Variants in GPHN observed in about 807,000 individuals in gnomAD.
GPHN encodes gephyrin.
Under a neutral mutation model 95.5 loss-of-function variants are expected in GPHN, and 17 were observed. The ratio of observed to expected loss-of-function variants is 0.18; its 90% CI spans 0.12 to 0.27. GPHN has a LOEUF of 0.27. Ranked by LOEUF, GPHN falls within the 10% of genes least tolerant of loss-of-function variation. GPHN has a pLI of 1.00. For synonymous variants in GPHN, 320 were observed against 322.5 expected (o/e 0.99, Z 0.08); for missense variants, 660 against 978.1 (o/e 0.67, Z 4.34).
At chr14:66,729,045 T>A (rs1212397089) in intron 2 of GPHN, among the ~76,000 whole-genome samples, 1 of 152,168 alleles carries the variant, frequency 6.6e-6, no homozygotes, top group Non-Finnish European at 1.5e-5. Context: ...TCTCAGCTGA[T>A]CTGATGGTTT....
chr14:67,111,214 G>A (rs1215622841), intron 14 of GPHN, among the ~76,000 whole-genome samples: 5 of 152,172 alleles, frequency 3.3e-5, no homozygotes, highest in African/African-American at 1.2e-4. Flanking sequence ...CACATTGCCT[G>A]CTGTTAAAAC....
chr14:67,084,943 G>T (rs567764297), intron 11 of GPHN, among the ~76,000 whole-genome samples: 2 of 152,302 alleles, frequency 1.3e-5, no homozygotes, highest in Admixed American at 1.3e-4. Context: ...AAGGTCAATC[G>T]CAGTGTAAAT....
the GPHN span, among the ~76,000 whole-genome samples, chr14:67,711,074 TTAG>T: frequency 6.6e-6 from 1 of 152,250 alleles, no homozygotes; most frequent in Non-Finnish European, 1.5e-5. Flanking sequence ...TGAGAGGAAC[TTAG>T]TTTATAGTTT....
chr14:66,999,154 A>G (rs1034494066), intron 9 of GPHN, among the ~76,000 whole-genome samples: 4 of 151,920 alleles, frequency 2.6e-5, no homozygotes, highest in African/African-American at 7.2e-5. Context: ...GTTAAAAGTC[A>G]TTAGCTCTGT....
intron 3 of GPHN, among the ~76,000 whole-genome samples, chr14:66,778,766 G>A (rs1447737535): frequency 7.3e-5 from 8 of 109,492 alleles, no homozygotes; most frequent in Non-Finnish European, 1.0e-4. Flanking sequence ...AGACAGTCTC[G>A]CTCTGTCACC....
the GPHN span, chr14:67,395,326 C>A: frequency 1.2e-5 from 17 of 1,363,484 alleles, no homozygotes; most frequent in Middle Eastern, 2.5e-4. Flanking sequence ...CAGAGCCCCC[C>A]CAAGGGGCAG....
intron 2 of GPHN, among the ~76,000 whole-genome samples, chr14:66,766,942 A>T (rs975040995): frequency 2.6e-5 from 4 of 151,956 alleles, no homozygotes; most frequent in Non-Finnish European, 4.4e-5. Flanking sequence ...CCCCATTTTT[A>T]AAAAAACTTA....
At chr14:67,492,587 C>T in the GPHN span, among the ~76,000 whole-genome samples, 1 of 152,190 alleles carries the variant, frequency 6.6e-6, no homozygotes. Flanking sequence ...GGACCCTGCC[C>T]CTTTGTTGCC....
At chr14:67,066,337 C>T (rs533073053) in intron 11 of GPHN, among the ~76,000 whole-genome samples, 1 of 152,164 alleles carries the variant, frequency 6.6e-6, no homozygotes, top group Non-Finnish European at 1.5e-5. Context: ...GTAACCTGAC[C>T]TTTCTCTCTG....
At chr14:66,548,044 T>C (rs1012322998) in intron 1 of GPHN, among the ~76,000 whole-genome samples, 9 of 151,252 alleles carry the variant, frequency 6.0e-5, no homozygotes, top group African/African-American at 1.9e-4. Flanking sequence ...TTGGTATCAT[T>C]TTTTTTTTAA....
intron 1 of GPHN, among the ~76,000 whole-genome samples, chr14:66,679,575 A>G (rs1173351473): frequency 6.6e-6 from 1 of 152,084 alleles, no homozygotes; most frequent in Non-Finnish European, 1.5e-5. Context: ...CTGGAATTAT[A>G]TTTGTGTTGA....
At chr14:67,484,448 T>A in the GPHN span, among the ~76,000 whole-genome samples, 2 of 152,194 alleles carry the variant, frequency 1.3e-5, no homozygotes, top group East Asian at 3.9e-4. Flanking sequence ...TAGCATTTAA[T>A]TTTTTTTCTA....
chr14:66,645,104 G>A (rs1595381758), intron 1 of GPHN, among the ~76,000 whole-genome samples: 2 of 152,104 alleles, frequency 1.3e-5, no homozygotes, highest in Admixed American at 1.3e-4. Context: ...GTAATGAAGT[G>A]CATTTTTAAA....
At chr14:66,540,301 A>AT (rs1340881210) in intron 1 of GPHN, among the ~76,000 whole-genome samples, 1 of 152,190 alleles carries the variant, frequency 6.6e-6, no homozygotes, top group Non-Finnish European at 1.5e-5. Context: ...GTTTGTTTAT[A>AT]TACCATTGGC....
At chr14:67,102,378 G>T (rs1001098859) in intron 13 of GPHN, among the ~76,000 whole-genome samples, 1 of 151,902 alleles carries the variant, frequency 6.6e-6, no homozygotes, top group East Asian at 1.9e-4. Context: ...AATAAAAGTG[G>T]CAGCGGGCGT....
At chr14:66,670,558 C>T (rs1015141453) in intron 1 of GPHN, among the ~76,000 whole-genome samples, 7 of 151,998 alleles carry the variant, frequency 4.6e-5, no homozygotes, top group African/African-American at 1.4e-4. Flanking sequence ...TTTGGGAGGC[C>T]GAGGTGGGTG....
At chr14:66,672,619 T>C (rs531454968) in intron 1 of GPHN, among the ~76,000 whole-genome samples, 4 of 152,206 alleles carry the variant, frequency 2.6e-5, no homozygotes, top group South Asian at 4.1e-4. Flanking sequence ...AGGACTGTTA[T>C]GTATTCTTGG....
At chr14:67,392,292 G>T in the GPHN span, 2 of 1,338,274 alleles carry the variant, frequency 1.5e-6, no homozygotes, top group Non-Finnish European at 2.2e-6. Flanking sequence ...CTTGAGAACT[G>T]TCCATCTCTC....
chr14:67,337,019 T>C, the GPHN span, among the ~76,000 whole-genome samples: 1 of 152,360 alleles, frequency 6.6e-6, no homozygotes, highest in East Asian at 1.9e-4. Flanking sequence ...TTCTAGCTTT[T>C]TAACTTAAGA....
Sources: allele counts gnomAD v4.1 joint callset (sites outside exome capture counted in the v4.1 genomes callset), GRCh38; gene constraint gnomAD v4.1.1; transcripts MANE v1.5; gene names NCBI Gene and HGNC (gene_info 2026-07-23, HGNC 2026-07-21).